UBA6: variants seen among roughly 807,000 people sequenced by gnomAD.
UBA6 encodes ubiquitin-like modifier-activating enzyme 6.
In UBA6, 87 loss-of-function variants were observed where a neutral mutation model predicts 148.3. The observed-to-expected ratio is 0.59, with a 90% CI of 0.49 to 0.70. UBA6 has a LOEUF of 0.70. UBA6 is among the 30% of genes least tolerant of loss of function. The pLI is 0.00. For synonymous variants in UBA6, 376 were observed against 401.0 expected (o/e 0.94, Z 0.75); for missense variants, 1,186 against 1,241.2 (o/e 0.96, Z 0.67).
intron 2 of UBA6, among the ~76,000 whole-genome samples, chr4:67,682,491 C>A (rs1730467528): frequency 6.6e-6 from 1 of 152,104 alleles, no homozygotes; most frequent in South Asian, 2.1e-4. Flanking sequence ...ATTATGTGCT[C>A]CAGATTTGCC....
intron 4 of UBA6, among the ~76,000 whole-genome samples, chr4:67,680,118 A>G (rs1253260253): frequency 6.6e-6 from 1 of 152,214 alleles, no homozygotes; most frequent in Non-Finnish European, 1.5e-5. Context: ...TGTAGTATTT[A>G]TCCTGCATTT....
At chr4:67,625,439 C>A (rs764254477) in intron 28 of UBA6, among the ~76,000 whole-genome samples, 1 of 148,670 alleles carries the variant, frequency 6.7e-6, no homozygotes, top group Non-Finnish European at 1.5e-5. Flanking sequence ...AAACTAGAGA[C>A]GTTTCTGTAT....
intron 19 of UBA6, among the ~76,000 whole-genome samples, chr4:67,636,303 C>T (rs1332745674): frequency 2.0e-5 from 3 of 152,092 alleles, no homozygotes; most frequent in African/African-American, 4.8e-5. Flanking sequence ...ATGAAAATCA[C>T]CATAGGAGGA....
At chr4:67,638,890 CAG>C in intron 19 of UBA6, 51 bp downstream of exon 19, 1 of 1,350,482 alleles carries the variant, frequency 7.4e-7, no homozygotes, top group African/African-American at 1.5e-5. Flanking sequence ...ATGTGGGAAA[CAG>C]AAGTGAAAAC....
chr4:67,678,485 T>C lies in UBA6; in HGVS notation c.307A>G (p.Thr103Ala), dbSNP rs760591284. 1 of 1,601,916 alleles carries C rather than the reference T, an allele frequency of 6.2e-7. No individual in the cohort carries two copies. Among genetic ancestry groups the C allele is most frequent in the Admixed American group, 1.7e-5 (1 of 59,168 alleles). ...TEKCQAWDLGTNFFLSEDDVV... is the reference protein window; with the variant it reads ...TEKCQAWDLGANFFLSEDDVV... ...TCATCTTCACTGAGAAAGAAGTTGG[T>C]TCCTAGATCCCATGCTTGGCATTTT... The change falls in exon 5 of 33, where the codon ACC (threonine) becomes GCC (alanine). Residue 103 changes from threonine (T) to alanine (A), a missense_variant. Thr to Ala is a moderately conservative substitution (Grantham distance 58). Transcript: ENST00000322244.
intron 9 of UBA6, among the ~76,000 whole-genome samples, chr4:67,667,864 C>T (rs1329446199): frequency 6.6e-6 from 1 of 152,162 alleles, no homozygotes; most frequent in Non-Finnish European, 1.5e-5. Context: ...AAACAGACCC[C>T]TTCAACTTCT....
chr4:67,651,220 T>C (rs1004074934), intron 13 of UBA6, among the ~76,000 whole-genome samples: 15 of 152,156 alleles, frequency 9.9e-5, no homozygotes, highest in South Asian at 8.3e-4. Flanking sequence ...TAACAAGCAC[T>C]TGGCAACGTA....
At chr4:67,637,537 G>C (rs535513622) in intron 19 of UBA6, among the ~76,000 whole-genome samples, 1 of 152,212 alleles carries the variant, frequency 6.6e-6, no homozygotes, top group Non-Finnish European at 1.5e-5. Context: ...GATTGTTGCT[G>C]TGTCTGTGTA....
At chr4:67,646,863 GTTAT>G (rs1167660196) in intron 14 of UBA6, 72 bp from the exon 15 acceptor site, 10 of 873,808 alleles carry the variant, frequency 1.1e-5, no homozygotes, top group South Asian at 7.6e-5. Flanking sequence ...CTCCTTTATA[GTTAT>G]TTAATAGTCA....
rs542877514 is a variant in UBA6 at position 67,639,016 on chromosome 4, C to A, written c.1663G>T (p.Asp555Tyr). The A allele has an allele frequency of 6.2e-7, 1 of 1,612,902 alleles. No individual in the cohort carries two copies. The highest frequency in any genetic ancestry group is 1.7e-5 in the Admixed American group (1 of 60,020). Reference sequence around the variant, plus strand: ...ACATCTTGTTTAGTATAGAACTCATCATTGTAAATGGTCTCAGTGGTTGGA... The same window carrying A: ...ACATCTTGTTTAGTATAGAACTCATAATTGTAAATGGTCTCAGTGGTTGGA... ...VCPTTETIYN[D>Y]EFYTKQDVII... The change falls in exon 19 of 33, where the codon GAT becomes TAT. Residue 555 changes from aspartate (D) to tyrosine (Y), a missense_variant. By Grantham distance (160) the Asp-to-Tyr change is radical (BLOSUM62 -3). Coordinates refer to ENST00000322244, the MANE Select transcript of UBA6 (RefSeq NM_018227.6).
At chr4:67,688,598 G>A (rs1049634513) in intron 2 of UBA6, among the ~76,000 whole-genome samples, 1 of 152,038 alleles carries the variant, frequency 6.6e-6, no homozygotes, top group Admixed American at 6.5e-5. Flanking sequence ...GAGATTCTAA[G>A]AAAAAGTTTA....
At chr4:67,680,803 T>C (rs1423483236) in intron 4 of UBA6, among the ~76,000 whole-genome samples, 1 of 152,196 alleles carries the variant, frequency 6.6e-6, no homozygotes, top group Non-Finnish European at 1.5e-5. Flanking sequence ...TTTACTCTGA[T>C]GAAGCAAACT....
At chr4:67,651,340 A>T (rs1729549466) in intron 13 of UBA6, among the ~76,000 whole-genome samples, 1 of 152,146 alleles carries the variant, frequency 6.6e-6, no homozygotes, top group Non-Finnish European at 1.5e-5. Flanking sequence ...ACAACATTTG[A>T]CTCTGCATAT....
chr4:67,651,364 T>C (rs1004734475), intron 13 of UBA6, among the ~76,000 whole-genome samples: 2 of 152,174 alleles, frequency 1.3e-5, no homozygotes, highest in Non-Finnish European at 2.9e-5. Flanking sequence ...AATGGGCTTA[T>C]GGTGTACGTA....
intron 2 of UBA6, 34 bp downstream of exon 2, chr4:67,696,611 G>T: frequency 6.6e-7 from 1 of 1,526,108 alleles, no homozygotes; most frequent in Non-Finnish European, 9.0e-7. Context: ...CAATTAATGG[G>T]GAAAATAAGT....
chr4:67,643,893 A>G (rs1577804005), intron 17 of UBA6, among the ~76,000 whole-genome samples: 1 of 152,106 alleles, frequency 6.6e-6, no homozygotes, highest in Non-Finnish European at 1.5e-5. Flanking sequence ...GTAACCAAAG[A>G]CTTTCTTCTT....
At chr4:67,626,132 T>C (rs1048031896) in intron 28 of UBA6, among the ~76,000 whole-genome samples, 3 of 151,926 alleles carry the variant, frequency 2.0e-5, no homozygotes, top group African/African-American at 7.2e-5. Context: ...GCAGTTAATG[T>C]GATTTGGAGA....
intron 13 of UBA6, among the ~76,000 whole-genome samples, chr4:67,657,605 CAT>C (rs1487360959): frequency 6.6e-6 from 1 of 152,112 alleles, no homozygotes; most frequent in Admixed American, 6.5e-5. Context: ...CCATTCAGAA[CAT>C]AGGCATGGAG....
chr4:67,671,038 A>G (rs1560495436), intron 7 of UBA6, among the ~76,000 whole-genome samples: 1 of 152,170 alleles, frequency 6.6e-6, no homozygotes, highest in Non-Finnish European at 1.5e-5. Flanking sequence ...AAAAGCTGAG[A>G]GCAGAGTCTA....
Sources: gnomAD v4.1 joint callset for allele counts (sites outside exome capture counted in the v4.1 genomes callset) on GRCh38, gnomAD v4.1.1 for gene constraint, MANE v1.5 for transcripts, NCBI Gene and HGNC (gene_info 2026-07-23, HGNC 2026-07-21) for gene names.